LRRFIP1: variants seen among roughly 807,000 people sequenced by gnomAD.
LRRFIP1 encodes the protein leucine-rich repeat flightless-interacting protein 1.
LRRFIP1 carries 62 observed loss-of-function variants against 104.4 expected under a neutral mutation model. That is an observed-to-expected ratio of 0.59 (90% CI 0.48 to 0.73). The LOEUF (loss-of-function observed/expected upper bound fraction) is 0.73. Ranked by LOEUF, LRRFIP1 falls within the 30% of genes least tolerant of loss-of-function variation. The probability of loss-of-function intolerance (pLI) is 0.00; values close to 1 mark genes in which losing one functional copy is unlikely to be tolerated. For missense variants in LRRFIP1, 796 were observed against 824.5 expected (o/e 0.97, Z 0.42); for synonymous variants, 300 against 299.0 (o/e 1.00, Z -0.03).
chr2:237,667,678 G>A (rs1350875119), intron 1 of LRRFIP1, among the ~76,000 whole-genome samples: 18 of 152,160 alleles, frequency 1.2e-4, no homozygotes, highest in African/African-American at 3.4e-4. Flanking sequence ...CACCAACAGT[G>A]TCAAAGCATG....
In LRRFIP1 at chr2:237,640,890, G is replaced by T. The variant is rs555047328; in HGVS notation, c.96+13150G>T. 2.2e-4 allele frequency among the ~76,000 whole-genome samples: 34 copies of T among 152,090 alleles called. No individual in the cohort carries two copies. In the South Asian group the frequency reaches 3.7e-3, roughly 17 times the overall value. ...CTTCCAACCCCTGGCCTCTCTTTTCGCTTGGCCAAAAGGCGTGCATCTCAG... is the reference window on the plus strand; with the variant it reads ...CTTCCAACCCCTGGCCTCTCTTTTCTCTTGGCCAAAAGGCGTGCATCTCAG... On this transcript the variant is annotated intron_variant, in intron 1 of 23. Transcript: ENST00000308482.
chr2:237,635,813 A>G (rs1043308078), intron 1 of LRRFIP1, among the ~76,000 whole-genome samples: 3 of 152,058 alleles, frequency 2.0e-5, no homozygotes, highest in Non-Finnish European at 2.9e-5. Flanking sequence ...AGAAAAGAAA[A>G]AGTGAGTGGG....
intron 1 of LRRFIP1, 150 bp downstream of exon 1, chr2:237,627,890 G>C: frequency 2.4e-6 from 1 of 412,306 alleles, no homozygotes; most frequent in Non-Finnish European, 3.8e-6. Context: ...GGCGCGCGCC[G>C]GGGCGCTGAT....
rs913797413 is a variant in LRRFIP1 at position 237,701,946 on chromosome 2, G to A, written c.97-6598G>A. On this transcript the variant is annotated intron_variant, in intron 1 of 23. Coordinates refer to ENST00000308482, the MANE Select transcript of LRRFIP1 (RefSeq NM_001137550.2). ...TGCAGCCCAGAAAAGACCCTGCAGGGGGAGAAGGGTCACTTTGGTGCCTAT... is the reference window on the plus strand; with the variant it reads ...TGCAGCCCAGAAAAGACCCTGCAGGAGGAGAAGGGTCACTTTGGTGCCTAT... Among the ~76,000 whole-genome samples, 4 of 152,190 alleles carry A rather than the reference G, an allele frequency of 2.6e-5. No individual in the cohort carries two copies. In the South Asian group the frequency reaches 6.2e-4, roughly 24 times the overall value.
At chr2:237,739,374 C>T (rs2150439426) in intron 11 of LRRFIP1, 65 bp downstream of exon 11, 1 of 1,355,780 alleles carries the variant, frequency 7.4e-7, no homozygotes, top group East Asian at 2.5e-5. Flanking sequence ...CCTTATCCTC[C>T]TCTTCCAACG....
In LRRFIP1 at chr2:237,762,662, A is replaced by T. The variant is rs768437772; in HGVS notation, c.1459+2457A>T. On this transcript the variant is annotated intron_variant, in intron 19 of 23. Transcript: ENST00000308482. ...CGTGGCGAATGTGGGGAAAAGAGAA[A>T]TCTTGCACAATACTGAGAAAGAACA... The T allele has an allele frequency of 1.5e-5, 25 of 1,613,312 alleles. No individual in the cohort carries two copies. The South Asian group carries it at 2.6e-4, about 17-fold the overall frequency.
At chr2:237,759,941 T>C (rs1162129822) in intron 18 of LRRFIP1, 123 bp from the exon 19 acceptor site, 17 of 803,254 alleles carry the variant, frequency 2.1e-5, no homozygotes, top group Non-Finnish European at 3.2e-5. Context: ...GCATTTCTCT[T>C]GTCTCTGTGG....
rs1368263058 is a variant in LRRFIP1 at position 237,739,866 on chromosome 2, G to C, written c.633+557G>C. On this transcript the variant is annotated intron_variant, in intron 11 of 23. Transcript: ENST00000308482. ...GTTTTCCCCTGGGTTGTTGGAATTT[G>C]ACACAGTTTTACCTGATGTGATGCT... Among the ~76,000 whole-genome samples, 5 of 152,264 alleles carry C rather than the reference G, an allele frequency of 3.3e-5. No individual in the cohort carries two copies. The East Asian group carries it at 5.8e-4, about 18-fold the overall frequency.
At chr2:237,771,757 C>T (rs1481974690) in intron 20 of LRRFIP1, among the ~76,000 whole-genome samples, 1 of 152,050 alleles carries the variant, frequency 6.6e-6, no homozygotes, top group African/African-American at 2.4e-5. Context: ...CTCCAAGTGG[C>T]CCTTTCTGGT....
rs1199002436 is a variant in LRRFIP1 at position 237,659,677 on chromosome 2, C to G, written c.96+31937C>G. Among the ~76,000 whole-genome samples the G allele has an allele frequency of 2.6e-5, 4 of 150,978 alleles. No homozygotes were observed. In the East Asian group the frequency reaches 7.8e-4, roughly 29 times the overall value. On this transcript the variant is annotated intron_variant, in intron 1 of 23. Transcript: ENST00000308482. ...TATATTTTAGAGACAGAGTCTTGCT[C>G]TGTTGCCTAGGCTAGAGTACAGCGG...
intron 1 of LRRFIP1, among the ~76,000 whole-genome samples, chr2:237,707,638 C>T (rs1249641354): frequency 6.6e-6 from 1 of 152,108 alleles, no homozygotes; most frequent in Non-Finnish European, 1.5e-5. Context: ...TGCCATCGAG[C>T]TTACGGGGCT....
At chr2:237,779,389 C>T (rs762774570) in intron 23 of LRRFIP1, 33 bp from the exon 24 acceptor site, 8 of 1,607,498 alleles carry the variant, frequency 5.0e-6, no homozygotes, top group Non-Finnish European at 5.9e-6. Flanking sequence ...GAAACAAGTT[C>T]CTTAAAGCTC....
intron 11 of LRRFIP1, among the ~76,000 whole-genome samples, chr2:237,740,230 AC>A (rs1287491509): frequency 6.7e-6 from 1 of 148,456 alleles, no homozygotes; most frequent in Non-Finnish European, 1.5e-5. Flanking sequence ...ACATAGCAAG[AC>A]CCCCCATCTC....
intron 1 of LRRFIP1, among the ~76,000 whole-genome samples, chr2:237,708,230 G>A (rs181704594): frequency 1.3e-5 from 2 of 152,190 alleles, no homozygotes; most frequent in Non-Finnish European, 2.9e-5. Flanking sequence ...CTGTGCCTTC[G>A]TTCCCTCATA....
chr2:237,770,151 C>T (rs2150913455), intron 20 of LRRFIP1, 159 bp downstream of exon 20: 1 of 620,122 alleles, frequency 1.6e-6, no homozygotes, highest in Non-Finnish European at 2.9e-6. Context: ...CCAAATAGAA[C>T]ATCAAAGTTA....
chr2:237,676,040 G>A (rs74686731), intron 1 of LRRFIP1, among the ~76,000 whole-genome samples: 2,748 of 152,226 alleles, frequency 0.018, 82 homozygotes, highest in African/African-American at 0.061. Context: ...TTTTAAGTGC[G>A]CTAGTGTGTA....
At chr2:237,738,626 A>G (rs2095325396) in intron 10 of LRRFIP1, among the ~76,000 whole-genome samples, 1 of 152,272 alleles carries the variant, frequency 6.6e-6, no homozygotes, top group Non-Finnish European at 1.5e-5. Flanking sequence ...ACAAGGGCGT[A>G]GCTTCCAGAT....
chr2:237,682,286 C>T (rs1015206467), intron 1 of LRRFIP1, among the ~76,000 whole-genome samples: 7 of 152,144 alleles, frequency 4.6e-5, no homozygotes, highest in African/African-American at 1.7e-4. Context: ...AGTACTTGTT[C>T]ATGCCAGGCT....
chr2:237,658,710 C>T (rs114414741), intron 1 of LRRFIP1, among the ~76,000 whole-genome samples: 72 of 152,178 alleles, frequency 4.7e-4, no homozygotes, highest in African/African-American at 1.7e-3. Context: ...GAGGAAGAAC[C>T]CCTTATAAAA....
Sources: gnomAD v4.1 joint callset for allele counts (sites outside exome capture counted in the v4.1 genomes callset) on GRCh38, gnomAD v4.1.1 for gene constraint, MANE v1.5 for transcripts, NCBI Gene and HGNC (gene_info 2026-07-23, HGNC 2026-07-21) for gene names.